Variants in DLG2 observed in about 807,000 individuals in gnomAD.
DLG2 encodes the protein discs large MAGUK scaffold protein 2, also known as disks large homolog 2.
Under a neutral mutation model 132.5 loss-of-function variants are expected in DLG2, and 45 were observed. The observed-to-expected ratio is 0.34, with a 90% CI of 0.27 to 0.44. DLG2 has a LOEUF of 0.44. DLG2 is among the 20% of genes least tolerant of loss of function. The pLI, the probability that DLG2 is intolerant of heterozygous loss-of-function variation, is 1.00. For missense variants in DLG2, 1,045 were observed against 1,196.9 expected (o/e 0.87, Z 1.87); for synonymous variants, 424 against 419.6 (o/e 1.01, Z -0.13).
In DLG2 at chr11:85,288,539, G is replaced by A. The variant is rs926758422; in HGVS notation, c.41-3174C>T. 1.2e-4 allele frequency among the ~76,000 whole-genome samples: 18 copies of A among 152,122 alleles called. 1 individual carries two copies. Among genetic ancestry groups the A allele is most frequent in the Non-Finnish European group, 1.9e-4 (13 of 68,008 alleles). On this transcript the variant is annotated intron_variant, in intron 3 of 27. Transcript: ENST00000376104. ...AATTTGGGCATGGTGGTGTGTGCCTGTGGTCCCAGCTACTGAGGAGGTTGA... is the reference window on the plus strand; with the variant it reads ...AATTTGGGCATGGTGGTGTGTGCCTATGGTCCCAGCTACTGAGGAGGTTGA...
chr11:84,022,077 G>A (rs2154078347), intron 11 of DLG2, among the ~76,000 whole-genome samples: 1 of 152,174 alleles, frequency 6.6e-6, no homozygotes, highest in East Asian at 1.9e-4. Context: ...AACACATCAG[G>A]AAAGAAGCAA....
chr11:84,980,929 G>A (rs965863126), intron 6 of DLG2, among the ~76,000 whole-genome samples: 1 of 152,128 alleles, frequency 6.6e-6, no homozygotes, highest in Non-Finnish European at 1.5e-5. Context: ...TCCCAGAGCT[G>A]GTTATATTGG....
In DLG2 at chr11:84,913,638, T is replaced by C. The variant is rs78817874; in HGVS notation, c.357+198023A>G. ...TGACAAATAATACATCTTAATCCAA[T>C]AGACATGCATTCATATACATATATA... On this transcript the variant is annotated intron_variant, in intron 6 of 27. Transcript: ENST00000376104. Among the ~76,000 whole-genome samples the C allele has an allele frequency of 8.1e-3, 1,240 of 152,264 alleles. 13 individuals carry two copies. The highest frequency in any genetic ancestry group is 0.029 in the African/African-American group (1,195 of 41,552).
rs34476380 is a variant in DLG2 at position 84,402,881 on chromosome 11, C to CAAAAAAAAAAAAAAAAAAAAAAAAAA, written c.519+131688_519+131689insTTTTTTTTTTTTTTTTTTTTTTTTTT. Among the ~76,000 whole-genome samples the CAAAAAAAAAAAAAAAAAAAAAAAAAA allele has an allele frequency of 1.1e-3, 84 of 73,866 alleles. 7 individuals are homozygous for CAAAAAAAAAAAAAAAAAAAAAAAAAA. The highest frequency in any genetic ancestry group is 6.2e-3 in the African/African-American group (59 of 9,548). 48.5% of individuals were successfully genotyped at this position (73,866 alleles called of 152,430 possible). A position where few individuals can be genotyped will look rare whatever the true frequency, so the allele number is the denominator to read the frequency against. On this transcript the variant is annotated intron_variant, in intron 7 of 27. Transcript: ENST00000376104. ...TGGGCGACAGAGCGAAACTCCGTCT[C>CAAAAAAAAAAAAAAAAAAAAAAAAAA]AAAAAAAAAAAAAAAAAAAATTAAC...
intron 5 of DLG2, among the ~76,000 whole-genome samples, chr11:85,127,466 T>A (rs2075266795): frequency 6.6e-6 from 1 of 152,124 alleles, no homozygotes; most frequent in South Asian, 2.1e-4. Flanking sequence ...TCCATAGCAC[T>A]CTATATTCAT....
At chr11:84,984,624 A>G (rs1050213987) in intron 6 of DLG2, among the ~76,000 whole-genome samples, 1 of 152,130 alleles carries the variant, frequency 6.6e-6, no homozygotes, top group African/African-American at 2.4e-5. Flanking sequence ...AGCACAATGA[A>G]TGGAATGGTA....
At chr11:84,838,461 T>C (rs191540105) in intron 6 of DLG2, among the ~76,000 whole-genome samples, 306 of 151,572 alleles carry the variant, frequency 2.0e-3, no homozygotes, top group Middle Eastern at 6.9e-3. Flanking sequence ...CACTGAAGTA[T>C]TGGTGAGGAT....
intron 6 of DLG2, among the ~76,000 whole-genome samples, chr11:84,543,354 TC>T (rs2099382714): frequency 6.6e-6 from 1 of 152,122 alleles, no homozygotes; most frequent in Non-Finnish European, 1.5e-5. Context: ...CCTCCTGACT[TC>T]CCAGATTAGG....
intron 4 of DLG2, among the ~76,000 whole-genome samples, chr11:85,253,353 T>C (rs1022009343): frequency 6.6e-6 from 1 of 152,202 alleles, no homozygotes; most frequent in African/African-American, 2.4e-5. Context: ...AAGCAGGATA[T>C]TTCCCTGACC....
At chr11:85,490,776 C>A (rs1432564702) in intron 3 of DLG2, among the ~76,000 whole-genome samples, 1 of 151,948 alleles carries the variant, frequency 6.6e-6, no homozygotes, top group African/African-American at 2.4e-5. Context: ...CTGAACAAAC[C>A]AGTAACAAGT....
intron 6 of DLG2, among the ~76,000 whole-genome samples, chr11:84,918,026 T>G (rs1391354594): frequency 1.3e-5 from 2 of 152,184 alleles, no homozygotes; most frequent in Non-Finnish European, 2.9e-5. Context: ...TATGTGTTTA[T>G]TAAAAGCATC....
At chr11:84,555,036 G>A (rs2099409283) in intron 6 of DLG2, among the ~76,000 whole-genome samples, 1 of 152,114 alleles carries the variant, frequency 6.6e-6, no homozygotes, top group Non-Finnish European at 1.5e-5. Context: ...ACATGAGGAA[G>A]GAGAGGTAAC....
Position 84,763,125 on chromosome 11 carries a change from G to A in DLG2, c.358-228394C>T, listed in dbSNP as rs139778796. On this transcript the variant is annotated intron_variant, in intron 6 of 27. Coordinates refer to ENST00000376104, the MANE Select transcript of DLG2 (RefSeq NM_001142699.3). ...AACTTTCAGGACAGAGTCCGTATCT[G>A]TCTATTCACTGCCACATTTCCACAC... is the stretch of plus-strand genomic sequence containing the variant. 4.6e-5 allele frequency among the ~76,000 whole-genome samples: 7 copies of A among 152,278 alleles called. No individual in the cohort carries two copies. The East Asian group carries it at 1.3e-3, about 29-fold the overall frequency.
chr11:83,873,806 CT>C (rs139528009), intron 16 of DLG2, among the ~76,000 whole-genome samples: 2,508 of 152,266 alleles, frequency 0.016, 62 homozygotes, highest in African/African-American at 0.055. Context: ...AGAGTTACAT[CT>C]TTTCAGGAAC....
At chr11:83,479,645 T>C (rs1358455411) in intron 22 of DLG2, among the ~76,000 whole-genome samples, 1 of 152,104 alleles carries the variant, frequency 6.6e-6, no homozygotes, top group Non-Finnish European at 1.5e-5. Context: ...TGATCGGTGT[T>C]TGGTGGATAG....
chr11:83,582,952 T>C (rs1326567411), intron 19 of DLG2, among the ~76,000 whole-genome samples: 1 of 152,148 alleles, frequency 6.6e-6, no homozygotes, highest in Non-Finnish European at 1.5e-5. Context: ...GAAATGAAGA[T>C]TCAAAGCGGC....
chr11:84,876,180 C>A (rs1336346187), intron 6 of DLG2, among the ~76,000 whole-genome samples: 1 of 152,188 alleles, frequency 6.6e-6, no homozygotes, highest in Non-Finnish European at 1.5e-5. Flanking sequence ...CTAAATATCT[C>A]TTTTTGATAT....
chr11:85,535,768 AAT>A (rs1381339949), intron 3 of DLG2, among the ~76,000 whole-genome samples: 2 of 152,246 alleles, frequency 1.3e-5, no homozygotes, highest in African/African-American at 2.4e-5. Flanking sequence ...AGATAAATAA[AAT>A]ATGATATATT....
chr11:84,912,281 G>A (rs1424319625), intron 6 of DLG2, among the ~76,000 whole-genome samples: 5 of 152,054 alleles, frequency 3.3e-5, no homozygotes, highest in African/African-American at 7.2e-5. Flanking sequence ...TCAGCCTCCC[G>A]AGTAGGTGAG....
Sources: gnomAD v4.1 joint callset for allele counts (sites outside exome capture counted in the v4.1 genomes callset) on GRCh38, gnomAD v4.1.1 for gene constraint, MANE v1.5 for transcripts, NCBI Gene and HGNC (gene_info 2026-07-23, HGNC 2026-07-21) for gene names.